The following KRT8 variants were observed in gnomAD, a reference collection of about 807,000 sequenced individuals.
The protein encoded by KRT8 is keratin, type II cytoskeletal 8.
In KRT8, 24 loss-of-function variants were observed where a neutral mutation model predicts 43.0. That is an observed-to-expected ratio of 0.56 (90% CI 0.40 to 0.78). KRT8 has a LOEUF of 0.78. KRT8 is among the 30% of genes least tolerant of loss of function. KRT8 has a pLI of 0.00. For synonymous variants in KRT8, 214 were observed against 261.2 expected, an observed-to-expected ratio of 0.82 and a Z score of 1.74; for missense variants, 492 against 638.4, an observed-to-expected ratio of 0.77 and a Z score of 2.47.
chr12:52,935,241 G>A (rs1942148385), intron 2 of KRT8, among the ~76,000 whole-genome samples: 1 of 149,920 alleles, frequency 6.7e-6, no homozygotes, highest in African/African-American at 2.5e-5. Context: ...AATTAGCTGG[G>A]GGTGGCAGGT....
chr12:52,922,209 AAAAAAAAAAAAAT>A, intron 2 of KRT8, among the ~76,000 whole-genome samples: 1 of 149,924 alleles, frequency 6.7e-6, no homozygotes, highest in South Asian at 2.1e-4. Flanking sequence ...AAAAAAAAAA[AAAAAAAAAAAAAT>A]GTAGCAAATG....
intron 2 of KRT8, among the ~76,000 whole-genome samples, chr12:52,934,785 A>G (rs191642685): frequency 9.1e-4 from 139 of 152,130 alleles, no homozygotes; most frequent in Admixed American, 3.2e-3. Flanking sequence ...CCTGATCAAC[A>G]TGGAGAAAAC....
In KRT8 at chr12:52,901,935, CAG is replaced by C. The variant is rs1439316501; in HGVS notation, c.460_461del (p.Leu154GlyfsTer26). ...CCTCCAGCTTCAGCTTCTCCTGGCC[CAG>C]AGTCTCCAGCTGCCGCCTAAGGTTG... On this transcript the variant is annotated frameshift_variant, in exon 2 of 8. Transcript: ENST00000692008. LOFTEE classifies it high-confidence loss of function. The C allele has an allele frequency of 1.2e-6, 2 of 1,610,966 alleles. No homozygotes were observed. The highest frequency in any genetic ancestry group is 1.7e-6 in the Non-Finnish European group (2 of 1,179,570).
At chr12:52,943,486 CTCT>C (rs1220086251) in intron 2 of KRT8, among the ~76,000 whole-genome samples, 2 of 152,152 alleles carry the variant, frequency 1.3e-5, no homozygotes, top group African/African-American at 4.8e-5. Context: ...CTGTCTCTTC[CTCT>C]TCTTCTTGCC....
At chr12:52,926,332 G>GCCCCCCCCCCCC in intron 2 of KRT8, 2 of 600,276 alleles carry the variant, frequency 3.3e-6, no homozygotes, top group Non-Finnish European at 3.0e-6. Context: ...GGCACTAGCT[G>GCCCCCCCCCCCC]CCCTCCCCAC....
intron 2 of KRT8, among the ~76,000 whole-genome samples, chr12:52,938,170 A>ATATATATATATATATATATATTT (rs1555189967): frequency 3.3e-5 from 1 of 30,316 alleles, no homozygotes; most frequent in African/African-American, 1.4e-4. Context: ...ATATATATAT[A>ATATATATATATATATATATATTT]TTTTTTTTTT....
intron 2 of KRT8, among the ~76,000 whole-genome samples, chr12:52,916,777 C>T (rs1488712495): frequency 6.6e-6 from 1 of 152,180 alleles, no homozygotes. Context: ...TGGACAAGCC[C>T]GCCTTCTCGC....
chr12:52,938,619 G>T (rs1942216883), intron 2 of KRT8, among the ~76,000 whole-genome samples: 1 of 132,778 alleles, frequency 7.5e-6, no homozygotes, highest in Non-Finnish European at 1.6e-5. Flanking sequence ...CTCTACAAAA[G>T]AATTTTTTTT....
At position 52,924,603 on chromosome 12, in the gene KRT8, A is replaced by C. The variant is rs140314230; in HGVS notation, c.-46-19576T>G. 2.3e-4 allele frequency among the ~76,000 whole-genome samples: 35 copies of C among 152,292 alleles called. No individual in the cohort carries two copies. In the East Asian group the frequency reaches 6.7e-3, roughly 29 times the overall value. On this transcript the variant is annotated intron_variant, in intron 2 of 6. Transcript: ENST00000546826. Reference sequence around the variant, plus strand: ...GACCCTGTCTCAAAAAAATAAATAAAAATTTAAAAATAAAATAAATTATAT... The same window carrying C: ...GACCCTGTCTCAAAAAAATAAATAACAATTTAAAAATAAAATAAATTATAT...
intron 2 of KRT8, among the ~76,000 whole-genome samples, chr12:52,920,295 C>T (rs1941856066): frequency 6.6e-6 from 1 of 152,118 alleles, no homozygotes; most frequent in Admixed American, 6.6e-5. Flanking sequence ...GGACCTCTCC[C>T]CATCAAAATG....
intron 1 of KRT8, chr12:52,902,302 G>A (rs1167356032): frequency 1.2e-5 from 7 of 568,724 alleles, no homozygotes; most frequent in Admixed American, 9.1e-5. Context: ...GAAGGAGACA[G>A]GTAAGGTAAT....
chr12:52,914,396 G>A (rs1217192046), intron 2 of KRT8, among the ~76,000 whole-genome samples: 3 of 152,102 alleles, frequency 2.0e-5, no homozygotes, highest in Non-Finnish European at 4.4e-5. Context: ...AATTAGCATA[G>A]TATGGTGGCG....
chr12:52,948,608 C>T (rs911264148), intron 2 of KRT8: 2 of 277,982 alleles, frequency 7.2e-6, no homozygotes, highest in Non-Finnish European at 1.3e-5. Context: ...TCCCCTTCCT[C>T]AGCCTCCCAA....
At chr12:52,899,679 C>T in intron 5 of KRT8, 96 bp downstream of exon 5, 1 of 1,133,712 alleles carries the variant, frequency 8.8e-7, no homozygotes, top group Non-Finnish European at 1.3e-6. Flanking sequence ...GTCTAGGATT[C>T]CTTCCCCGAC....
chr12:52,933,470 G>T (rs534516385), intron 2 of KRT8, among the ~76,000 whole-genome samples: 3 of 152,230 alleles, frequency 2.0e-5, no homozygotes, highest in African/African-American at 7.2e-5. Context: ...ACTCAATGTT[G>T]TTAAGATGCT....
chr12:52,936,258 A>G (rs1316549558), intron 2 of KRT8, among the ~76,000 whole-genome samples: 1 of 151,578 alleles, frequency 6.6e-6, no homozygotes, highest in South Asian at 2.1e-4. Context: ...TCTAAAAAAA[A>G]CAAAAAAAAA....
chr12:52,906,240 G>A (rs1037860556), upstream of KRT8, among the ~76,000 whole-genome samples: 10 of 152,144 alleles, frequency 6.6e-5, no homozygotes, highest in African/African-American at 2.4e-4. Flanking sequence ...GGCAGAGAAC[G>A]CAGGGGTTGG....
chr12:52,912,574 A>G (rs1941656362), intron 2 of KRT8, among the ~76,000 whole-genome samples: 3 of 152,106 alleles, frequency 2.0e-5, no homozygotes, highest in African/African-American at 7.2e-5. Context: ...TTCCCAATCC[A>G]CGGGACCAGT....
intron 2 of KRT8, among the ~76,000 whole-genome samples, chr12:52,921,943 A>C (rs754756488): frequency 4.6e-5 from 7 of 151,918 alleles, no homozygotes; most frequent in Non-Finnish European, 8.8e-5. Flanking sequence ...AAGTGGGAGG[A>C]TGGCTTGAGG....
Sources: gnomAD v4.1 joint callset for allele counts (sites outside exome capture counted in the v4.1 genomes callset) on GRCh38, gnomAD v4.1.1 for gene constraint, MANE v1.5 for transcripts, NCBI Gene and HGNC (gene_info 2026-07-23, HGNC 2026-07-21) for gene names.